Variants in PIERCE1 observed in about 807,000 individuals in gnomAD.
PIERCE1 encodes the protein piercer of microtubule wall 1 protein.
chr9:135,498,587 G>C, the PIERCE1 span: 2 of 1,613,716 alleles, frequency 1.2e-6, no homozygotes, highest in East Asian at 4.5e-5. This position sits in a 1 kb window ranked among gnomAD's most constrained non-coding sequence, Gnocchi z 4.1. Flanking sequence ...CCACTTACAG[G>C]CATCTCGTGC....
chr9:135,496,250 G>A, the PIERCE1 span, among the ~76,000 whole-genome samples: 1 of 152,262 alleles, frequency 6.6e-6, no homozygotes, highest in South Asian at 2.1e-4. Flanking sequence ...CGGGGAGGCG[G>A]AGCTTGCAGT....
At chr9:135,499,593 G>T in the PIERCE1 span, 1 of 1,374,640 alleles carries the variant, frequency 7.3e-7, no homozygotes, top group South Asian at 1.3e-5. Flanking sequence ...GGCCCCGGAT[G>T]ACCACTCGAT....
the PIERCE1 span, among the ~76,000 whole-genome samples, chr9:135,496,120 G>A: frequency 6.6e-6 from 1 of 152,186 alleles, no homozygotes; most frequent in Non-Finnish European, 1.5e-5. Context: ...TTCGAGACCA[G>A]CCTGGCCAAC....
chr9:135,498,549 C>G, the PIERCE1 span: 70 of 1,602,274 alleles, frequency 4.4e-5, no homozygotes, highest in African/African-American at 7.8e-4. The surrounding 1 kb of genome is among the most constrained non-coding windows in gnomAD (Gnocchi z 4.1). Context: ...GCCACCCACC[C>G]CCTGCCCCCC....
At chr9:135,498,636 C>T in the PIERCE1 span, 3 of 1,614,068 alleles carry the variant, frequency 1.9e-6, no homozygotes, top group Non-Finnish European at 2.5e-6. The surrounding 1 kb of genome is among the most constrained non-coding windows in gnomAD (Gnocchi z 4.1). Context: ...GGTTACTGGT[C>T]CTGTACACGG....
the PIERCE1 span, chr9:135,499,856 C>T: frequency 9.6e-6 from 15 of 1,556,238 alleles, no homozygotes; most frequent in Non-Finnish European, 1.1e-5. Context: ...AGCCATTGTG[C>T]CTGGAGGAGA....
the PIERCE1 span, chr9:135,495,712 G>A: frequency 8.4e-7 from 1 of 1,197,066 alleles, no homozygotes; most frequent in Non-Finnish European, 1.2e-6. Flanking sequence ...ATAAGAAAAT[G>A]CAGAGAAGCC....
At chr9:135,495,611 A>G in the PIERCE1 span, 2 of 1,612,594 alleles carry the variant, frequency 1.2e-6, no homozygotes, top group Non-Finnish European at 1.7e-6. Flanking sequence ...TGGATAAAAT[A>G]CTTTCTATAA....
the PIERCE1 span, chr9:135,498,699 A>G: frequency 6.3e-7 from 1 of 1,578,250 alleles, no homozygotes; most frequent in African/African-American, 1.4e-5. The surrounding 1 kb of genome is among the most constrained non-coding windows in gnomAD (Gnocchi z 4.1). Flanking sequence ...TCATTCATTT[A>G]CTCTAATTCT....
the PIERCE1 span, among the ~76,000 whole-genome samples, chr9:135,498,299 G>A: frequency 3.3e-5 from 5 of 152,130 alleles, no homozygotes; most frequent in Non-Finnish European, 5.9e-5. This position sits in a 1 kb window ranked among gnomAD's most constrained non-coding sequence, Gnocchi z 4.1. Context: ...ACTGCTGTGC[G>A]TGTGGTTGGG....
chr9:135,499,805 T>C, the PIERCE1 span: 6 of 1,603,816 alleles, frequency 3.7e-6, no homozygotes, highest in Non-Finnish European at 5.1e-6. Flanking sequence ...GGCCGTGGCC[T>C]TGGGCGCCAC....
At chr9:135,499,714 G>C in the PIERCE1 span, 4 of 1,607,994 alleles carry the variant, frequency 2.5e-6, no homozygotes, top group Admixed American at 5.1e-5. Context: ...CTCACCTGTA[G>C]CCCCGGAACC....
the PIERCE1 span, among the ~76,000 whole-genome samples, chr9:135,498,137 C>T: frequency 1.3e-5 from 2 of 152,282 alleles, no homozygotes; most frequent in East Asian, 3.9e-4. The surrounding 1 kb of genome is among the most constrained non-coding windows in gnomAD (Gnocchi z 4.1). Context: ...ACTTGCCCAC[C>T]CACAAGCTGT....
At chr9:135,498,399 C>A in the PIERCE1 span, among the ~76,000 whole-genome samples, 1 of 152,100 alleles carries the variant, frequency 6.6e-6, no homozygotes, top group African/African-American at 2.4e-5. The surrounding 1 kb of genome is among the most constrained non-coding windows in gnomAD (Gnocchi z 4.1). Context: ...TAGTTCCATC[C>A]TACCCTCTCC....
the PIERCE1 span, among the ~76,000 whole-genome samples, chr9:135,496,382 C>A: frequency 6.6e-6 from 1 of 152,236 alleles, no homozygotes; most frequent in African/African-American, 2.4e-5. Context: ...TCTAGCAAGA[C>A]AGCATCATTA....
the PIERCE1 span, among the ~76,000 whole-genome samples, chr9:135,496,794 A>ATTTT: frequency 2.4e-4 from 29 of 122,716 alleles, no homozygotes; most frequent in African/African-American, 4.7e-4. Context: ...CCTTCAGTGC[A>ATTTT]TTTTTTTTTT....
the PIERCE1 span, among the ~76,000 whole-genome samples, chr9:135,496,177 T>G: frequency 6.6e-6 from 1 of 152,018 alleles, no homozygotes; most frequent in Admixed American, 6.6e-5. Context: ...ATTAGCCAGG[T>G]GTGGTGGCGG....
chr9:135,499,257 C>T, the PIERCE1 span, among the ~76,000 whole-genome samples: 2 of 152,252 alleles, frequency 1.3e-5, no homozygotes, highest in East Asian at 3.9e-4. Context: ...TGTTGAGGGA[C>T]CAAATGTGTG....
At chr9:135,496,392 A>G in the PIERCE1 span, among the ~76,000 whole-genome samples, 1 of 152,260 alleles carries the variant, frequency 6.6e-6, no homozygotes, top group South Asian at 2.1e-4. Context: ...CAGCATCATT[A>G]GGTGACTGTG....
Sources: gnomAD v4.1 joint callset for allele counts (sites outside exome capture counted in the v4.1 genomes callset) on GRCh38, gnomAD v4.1.1 for gene constraint, Gnocchi (gnomAD v3.1) non-coding constraint, MANE v1.5 for transcripts, NCBI Gene and HGNC (gene_info 2026-07-23, HGNC 2026-07-21) for gene names.